The following PDE7B variants were observed in gnomAD, a reference collection of about 807,000 sequenced individuals.
The protein encoded by PDE7B is 3',5'-cyclic-AMP phosphodiesterase 7B.
PDE7B carries 29 observed loss-of-function variants against 56.2 expected under a neutral mutation model. That is an observed-to-expected ratio of 0.52 (90% CI 0.38 to 0.70). PDE7B has a LOEUF of 0.70. Ranked by LOEUF, PDE7B falls within the 30% of genes least tolerant of loss-of-function variation. The probability of loss-of-function intolerance (pLI) is 0.00; values close to 1 mark genes in which losing one functional copy is unlikely to be tolerated. For synonymous variants in PDE7B, 197 were observed against 196.9 expected (o/e 1.00, Z 0.00); for missense variants, 490 against 565.0 (o/e 0.87, Z 1.35).
chr6:136,071,420 C>T (rs1046375823), intron 2 of PDE7B: 1 of 152,190 alleles, frequency 6.6e-6, no homozygotes, highest in African/African-American at 2.4e-5. Context: ...TTCAGAATCA[C>T]TAACATATCA....
intron 1 of PDE7B, among the ~76,000 whole-genome samples, chr6:135,899,125 C>T (rs1775953439): frequency 6.6e-6 from 1 of 152,106 alleles, no homozygotes; most frequent in African/African-American, 2.4e-5. Flanking sequence ...CTTTGCTCCT[C>T]ATTCACCTTC....
intron 2 of PDE7B, among the ~76,000 whole-genome samples, chr6:136,030,625 C>T (rs1218409021): frequency 6.6e-6 from 1 of 152,182 alleles, no homozygotes; most frequent in Non-Finnish European, 1.5e-5. Context: ...TCACTCATGC[C>T]TGGAATATCA....
At chr6:135,966,402 C>G (rs571961517) in intron 2 of PDE7B, among the ~76,000 whole-genome samples, 1 of 152,130 alleles carries the variant, frequency 6.6e-6, no homozygotes, top group Non-Finnish European at 1.5e-5. Context: ...GAAAGAGAAG[C>G]CTCTCCTTTT....
chr6:136,100,824 G>A (rs1777549030), intron 2 of PDE7B, among the ~76,000 whole-genome samples: 1 of 152,198 alleles, frequency 6.6e-6, no homozygotes, highest in Non-Finnish European at 1.5e-5. Flanking sequence ...AGTGGTGAGA[G>A]AGGGCATCCT....
chr6:136,141,574 T>C (rs1276505802), intron 3 of PDE7B, among the ~76,000 whole-genome samples: 3 of 152,154 alleles, frequency 2.0e-5, no homozygotes, highest in Non-Finnish European at 4.4e-5. Flanking sequence ...TGGTAGAATT[T>C]GGCTGTGAAT....
chr6:136,044,787 G>A (rs1776473282), intron 2 of PDE7B: 1 of 152,118 alleles, frequency 6.6e-6, no homozygotes, highest in Admixed American at 6.5e-5. Context: ...GTAGACTCCT[G>A]AACATAATTT....
intron 2 of PDE7B, among the ~76,000 whole-genome samples, chr6:136,105,120 C>T (rs1011132145): frequency 2.6e-5 from 4 of 152,116 alleles, no homozygotes; most frequent in Non-Finnish European, 5.9e-5. Flanking sequence ...TAATAGATTC[C>T]TTGTTGATCC....
At chr6:136,166,347 C>G (rs1251633336) in intron 8 of PDE7B, 1 of 152,238 alleles carries the variant, frequency 6.6e-6, no homozygotes, top group Non-Finnish European at 1.5e-5. Context: ...TCCCAAACAG[C>G]CTTCCACTTG....
At chr6:136,166,238 A>T (rs1230215282) in intron 8 of PDE7B, 1 of 152,310 alleles carries the variant, frequency 6.6e-6, no homozygotes, top group African/African-American at 2.4e-5. Context: ...CTCATACCAG[A>T]AACAATGGAA....
intron 2 of PDE7B, among the ~76,000 whole-genome samples, chr6:136,050,241 A>G (rs1776600699): frequency 6.6e-6 from 1 of 152,200 alleles, no homozygotes; most frequent in African/African-American, 2.4e-5. Flanking sequence ...TCTTTCCATG[A>G]GCAAGAGTTA....
At chr6:135,875,568 T>C (rs1775476645) in intron 1 of PDE7B, among the ~76,000 whole-genome samples, 2 of 152,186 alleles carry the variant, frequency 1.3e-5, no homozygotes, top group Admixed American at 6.5e-5. Context: ...CCCTGAACTA[T>C]TATCTTTTTA....
chr6:135,881,526 G>A (rs1775610894), intron 1 of PDE7B, among the ~76,000 whole-genome samples: 1 of 151,844 alleles, frequency 6.6e-6, no homozygotes, highest in Non-Finnish European at 1.5e-5. Context: ...GAAATAGTAA[G>A]GTCAGTGTTG....
Position 136,018,049 on chromosome 6 carries a change from T to C in PDE7B, c.82+70525T>C, listed in dbSNP as rs570503323. ...GTGGATAAGGTAGCCAGGGAAAATT[T>C]CAATAGCGTCAAACAGTAATTTGGG... On this transcript the variant is annotated intron_variant, in intron 2 of 12. Transcript: ENST00000308191. Among the ~76,000 whole-genome samples, 12 of 152,302 alleles carry C rather than the reference T, an allele frequency of 7.9e-5. No homozygotes were observed. The South Asian group carries it at 2.1e-3, about 26-fold the overall frequency.
chr6:135,945,637 T>C (rs779326471), intron 1 of PDE7B, among the ~76,000 whole-genome samples: 1 of 152,178 alleles, frequency 6.6e-6, no homozygotes, highest in Non-Finnish European at 1.5e-5. Context: ...TTTTTCCCCT[T>C]AAATTTCTTT....
chr6:136,027,188 G>A (rs563222255), intron 2 of PDE7B, among the ~76,000 whole-genome samples: 7 of 152,262 alleles, frequency 4.6e-5, no homozygotes, highest in East Asian at 1.9e-4. Flanking sequence ...TTCTGTTGTC[G>A]AAGCCATCCA....
At chr6:135,922,054 A>C (rs1774092231) in intron 1 of PDE7B, among the ~76,000 whole-genome samples, 1 of 152,198 alleles carries the variant, frequency 6.6e-6, no homozygotes, top group South Asian at 2.1e-4. Flanking sequence ...TATGAAATAA[A>C]TCTTGGGGAT....
At chr6:135,924,987 T>C (rs1362184762) in intron 1 of PDE7B, among the ~76,000 whole-genome samples, 2 of 135,098 alleles carry the variant, frequency 1.5e-5, no homozygotes, top group Non-Finnish European at 3.1e-5. Context: ...TGTATTTCTA[T>C]ATTTGGGTGT....
chr6:136,007,258 C>A (rs1355514419), intron 2 of PDE7B, among the ~76,000 whole-genome samples: 1 of 152,112 alleles, frequency 6.6e-6, no homozygotes, highest in Admixed American at 6.6e-5. Context: ...GGAGATGAAG[C>A]CTACTTGATT....
chr6:136,101,153 G>A (rs771052069), intron 2 of PDE7B, among the ~76,000 whole-genome samples: 3 of 152,128 alleles, frequency 2.0e-5, no homozygotes, highest in Non-Finnish European at 2.9e-5. Context: ...ATGTGCTGCT[G>A]GATTTGATTT....
Sources: gnomAD v4.1 joint callset for allele counts (sites outside exome capture counted in the v4.1 genomes callset) on GRCh38, gnomAD v4.1.1 for gene constraint, MANE v1.5 for transcripts, NCBI Gene and HGNC (gene_info 2026-07-23, HGNC 2026-07-21) for gene names.